The following ADAM22 variants were observed in gnomAD, a reference collection of about 807,000 sequenced individuals.
The protein encoded by ADAM22 is disintegrin and metalloproteinase domain-containing protein 22.
Under a neutral mutation model 144.6 loss-of-function variants are expected in ADAM22, and 65 were observed. That is an observed-to-expected ratio of 0.45 (90% CI 0.37 to 0.55). ADAM22 has a LOEUF of 0.55. Among genes scored for constraint, ADAM22 ranks in the 20% least tolerant of loss-of-function variants. The pLI, the probability that ADAM22 is intolerant of heterozygous loss-of-function variation, is 0.00. For synonymous variants in ADAM22, 391 were observed against 412.6 expected, an observed-to-expected ratio of 0.95 and a Z score of 0.63; for missense variants, 974 against 1,184.9, an observed-to-expected ratio of 0.82 and a Z score of 2.61.
chr7:88,142,793 G>C (rs968702460), intron 14 of ADAM22, among the ~76,000 whole-genome samples: 1 of 151,354 alleles, frequency 6.6e-6, no homozygotes, highest in African/African-American at 2.4e-5. Context: ...AGCCAAGATC[G>C]TGCCACTGCA....
chr7:88,188,645 G>C (rs1306766100), intron 30 of ADAM22, among the ~76,000 whole-genome samples: 12 of 152,160 alleles, frequency 7.9e-5, no homozygotes, highest in Non-Finnish European at 1.6e-4. Flanking sequence ...GTAAATAATT[G>C]AGATGGCCCA....
intron 3 of ADAM22, among the ~76,000 whole-genome samples, chr7:88,074,098 T>C (rs915630819): frequency 6.6e-6 from 1 of 152,164 alleles, no homozygotes; most frequent in Non-Finnish European, 1.5e-5. Context: ...ATGCTAAGTG[T>C]GCTACAGTGA....
intron 17 of ADAM22, among the ~76,000 whole-genome samples, chr7:88,147,186 G>A (rs1003818131): frequency 6.6e-6 from 1 of 152,202 alleles, no homozygotes. Flanking sequence ...AGTTATAGCT[G>A]TACCAGTCAA....
intron 3 of ADAM22, among the ~76,000 whole-genome samples, chr7:87,988,757 TG>T (rs768295207): frequency 1.1e-4 from 17 of 152,322 alleles, no homozygotes; most frequent in Middle Eastern, 3.4e-3. Context: ...GGTTCAGGTG[TG>T]CTTTTTAGCA....
intron 3 of ADAM22, among the ~76,000 whole-genome samples, chr7:88,074,988 T>G (rs2129480144): frequency 6.6e-6 from 1 of 152,260 alleles, no homozygotes; most frequent in Non-Finnish European, 1.5e-5. Context: ...TTTAAAAGAT[T>G]AAAAATATTT....
intron 5 of ADAM22, among the ~76,000 whole-genome samples, chr7:88,109,781 C>G (rs918802789): frequency 6.6e-6 from 1 of 151,594 alleles, no homozygotes; most frequent in African/African-American, 2.4e-5. Context: ...GCATTGTCAC[C>G]GAAGAACAGG....
intron 3 of ADAM22, among the ~76,000 whole-genome samples, chr7:87,989,899 G>A (rs1789378982): frequency 1.3e-5 from 2 of 151,762 alleles, no homozygotes. Context: ...CAGCCTGGGT[G>A]ACAGAGTGAG....
intron 4 of ADAM22, among the ~76,000 whole-genome samples, chr7:88,082,912 T>C (rs1473636574): frequency 6.6e-6 from 1 of 152,162 alleles, no homozygotes; most frequent in Non-Finnish European, 1.5e-5. Flanking sequence ...AGTGCAACCA[T>C]TGTGGAAGTC....
At chr7:88,179,922 T>C (rs1210655559) in intron 27 of ADAM22, among the ~76,000 whole-genome samples, 2 of 152,114 alleles carry the variant, frequency 1.3e-5, no homozygotes, top group Admixed American at 6.6e-5. Flanking sequence ...GTAGCCCTGC[T>C]CATGCCTTTG....
intron 4 of ADAM22, among the ~76,000 whole-genome samples, chr7:88,082,595 A>C (rs1387189591): frequency 1.3e-5 from 2 of 152,206 alleles, no homozygotes; most frequent in Admixed American, 1.3e-4. Context: ...TCATCTGACA[A>C]AGGGCTAATA....
At chr7:87,953,059 A>G (rs886276707) in intron 2 of ADAM22, among the ~76,000 whole-genome samples, 3 of 151,274 alleles carry the variant, frequency 2.0e-5, no homozygotes, top group African/African-American at 4.8e-5. Flanking sequence ...CTAGTGGTCT[A>G]TCAATTTTGT....
chr7:88,141,561 A>G (rs1834666702), intron 14 of ADAM22, among the ~76,000 whole-genome samples: 1 of 152,182 alleles, frequency 6.6e-6, no homozygotes, highest in Non-Finnish European at 1.5e-5. Flanking sequence ...TCAAAGCTCA[A>G]TGTAAAACAA....
At chr7:87,977,041 G>T (rs953180201) in intron 2 of ADAM22, among the ~76,000 whole-genome samples, 3 of 151,928 alleles carry the variant, frequency 2.0e-5, no homozygotes, top group African/African-American at 7.3e-5. Context: ...GTTGGGGCTG[G>T]GTATTAGTTG....
intron 4 of ADAM22, among the ~76,000 whole-genome samples, chr7:88,091,650 G>A (rs1001527248): frequency 6.6e-6 from 1 of 152,120 alleles, no homozygotes. Context: ...GGAAATGAAG[G>A]CACAGAAAGT....
intron 26 of ADAM22, among the ~76,000 whole-genome samples, chr7:88,174,754 C>A (rs1845219910): frequency 1.3e-5 from 2 of 152,050 alleles, no homozygotes; most frequent in Non-Finnish European, 2.9e-5. Context: ...TAGATTATAT[C>A]TTTTTGATTT....
At chr7:88,173,738 A>G (rs1421009496) in intron 26 of ADAM22, among the ~76,000 whole-genome samples, 1 of 152,144 alleles carries the variant, frequency 6.6e-6, no homozygotes, top group Non-Finnish European at 1.5e-5. Context: ...AGACCAGTCC[A>G]CAAGGAATCA....
At chr7:88,017,384 A>C (rs2129462875) in intron 3 of ADAM22, among the ~76,000 whole-genome samples, 1 of 152,284 alleles carries the variant, frequency 6.6e-6, no homozygotes, top group Non-Finnish European at 1.5e-5. Context: ...GCATCCCATA[A>C]ATATGTATAA....
chr7:87,957,279 A>G (rs776925150), intron 2 of ADAM22, among the ~76,000 whole-genome samples: 22 of 152,170 alleles, frequency 1.4e-4, no homozygotes, highest in African/African-American at 2.9e-4. Context: ...TAGCTGTTCT[A>G]TGGTATCAGT....
At chr7:88,082,421 G>A (rs949440191) in intron 4 of ADAM22, among the ~76,000 whole-genome samples, 3 of 152,194 alleles carry the variant, frequency 2.0e-5, no homozygotes, top group South Asian at 4.2e-4. Context: ...CAGGACATAG[G>A]CATGGGCAAG....
Sources: allele counts gnomAD v4.1 joint callset (sites outside exome capture counted in the v4.1 genomes callset), GRCh38; gene constraint gnomAD v4.1.1; transcripts MANE v1.5; gene names NCBI Gene and HGNC (gene_info 2026-07-23, HGNC 2026-07-21).